SBNO2: variants seen among roughly 807,000 people sequenced by gnomAD.
The protein encoded by SBNO2 is strawberry notch homolog 2.
Under a neutral mutation model 146.3 loss-of-function variants are expected in SBNO2, and 89 were observed. The observed-to-expected ratio is 0.61, with a 90% CI of 0.51 to 0.73. The LOEUF is 0.73. SBNO2 is among the 30% of genes least tolerant of loss of function. The pLI, the probability that SBNO2 is intolerant of heterozygous loss-of-function variation, is 0.00. For synonymous variants in SBNO2, 1,147 were observed against 892.6 expected, an observed-to-expected ratio of 1.29 and a Z score of -5.08; for missense variants, 2,092 against 2,003.7, an observed-to-expected ratio of 1.04 and a Z score of -0.84.
rs752823807 is a variant in SBNO2, at chr19:1,108,975, G to A, written c.3426-6C>T. 37 of 1,518,326 alleles carry A rather than the reference G, an allele frequency of 2.4e-5. No homozygotes were observed. The highest frequency in any genetic ancestry group is 4.1e-5 in the African/African-American group (3 of 72,354). 94.1% of individuals were successfully genotyped at this position (1,518,326 alleles called of 1,614,324 possible). A position where few individuals can be genotyped will look rare whatever the true frequency, so the allele number is the denominator to read the frequency against. ...CCAGCCGGCAGTGCCGGTTCCTGCGGACGAGACGGGTCGTCTCGGCTCAGG... is the reference window on the plus strand; with the variant it reads ...CCAGCCGGCAGTGCCGGTTCCTGCGAACGAGACGGGTCGTCTCGGCTCAGG... On this transcript the variant is annotated splice_region_variant and splice_polypyrimidine_tract_variant and intron_variant, in intron 30 of 31. Coordinates refer to ENST00000361757, the MANE Select transcript of SBNO2 (RefSeq NM_014963.3).
rs897328813 is a variant in SBNO2, at chr19:1,144,414, G to A, written c.279+2895C>T. Among the ~76,000 whole-genome samples, 3 of 152,214 alleles carry A rather than the reference G, an allele frequency of 2.0e-5. No homozygotes were observed. Among genetic ancestry groups the A allele is most frequent in the African/African-American group, 2.4e-5 (1 of 41,446 alleles). ...CTGTAGGCAGGGTGGGCAGGGAGCC[G>A]GGCGGGCGGTGCTCACAGAACCAGC... On this transcript the variant is annotated intron_variant, in intron 4 of 31. Coordinates refer to ENST00000361757, the MANE Select transcript of SBNO2 (RefSeq NM_014963.3). The surrounding 1 kb of genome is among the most constrained non-coding windows in gnomAD (Gnocchi z 4.1).
In SBNO2 at chr19:1,113,567, C is replaced by CGT. The variant is rs1568559054; in HGVS notation, c.2214_2215insAC (p.Asp739ThrfsTer13). On this transcript the variant is annotated frameshift_variant, in exon 19 of 32. Coordinates refer to ENST00000361757, the MANE Select transcript of SBNO2 (RefSeq NM_014963.3). LOFTEE classifies it high-confidence loss of function. The stretch of plus-strand genomic sequence containing the variant: ...ACCCGCTGGGGGCCGCCCAGCTGGT[C>CGT]GATGAGCTCGTCCAGGGTGTTGACT... The CGT allele has an allele frequency of 6.2e-7, 1 of 1,601,730 alleles. No homozygotes were observed.
intron 1 of SBNO2, among the ~76,000 whole-genome samples, chr19:1,167,156 C>T (rs1040788452): frequency 6.6e-6 from 1 of 152,270 alleles, no homozygotes; most frequent in Non-Finnish European, 1.5e-5. Context: ...GCTGGAGCTA[C>T]GCACCCTGTC....
intron 2 of SBNO2, among the ~76,000 whole-genome samples, chr19:1,152,209 A>G (rs1599870274): frequency 6.6e-6 from 1 of 152,158 alleles, no homozygotes; most frequent in Non-Finnish European, 1.5e-5. Context: ...GCCCTGTCGC[A>G]TTCCCCGACT....
chr19:1,119,836 C>T (rs2079878696), intron 12 of SBNO2, 70 bp downstream of exon 12: 2 of 1,221,238 alleles, frequency 1.6e-6, no homozygotes. Context: ...TGTGGGATAC[C>T]CCTTCGCGGG....
intron 4 of SBNO2, among the ~76,000 whole-genome samples, chr19:1,141,984 C>T (rs913040875): frequency 2.3e-4 from 35 of 151,914 alleles, no homozygotes; most frequent in African/African-American, 8.2e-4. Context: ...AGTGGCCCTA[C>T]TCGGAGTCTG....
chr19:1,112,411 G>T lies in SBNO2; in HGVS notation c.2506C>A (p.Gln836Lys). ...GCGGGGCCGGACTCACCGAACTGCT[G>T]GATGGCGCGGTCGGCGCTCCACGGC... ...ELPWSADRAI[Q>K]QFGRTHRSNQ... The change falls in exon 21 of 32, where the codon CAG (glutamine) becomes AAG (lysine). Residue 836 changes from glutamine (Q) to lysine (K), a missense_variant. By Grantham distance (53) the Gln-to-Lys change is moderately conservative (BLOSUM62 1). Transcript: ENST00000361757. The surrounding 1 kb of genome is among the most constrained non-coding windows in gnomAD (Gnocchi z 5.9). The T allele has an allele frequency of 6.2e-7, 1 of 1,603,468 alleles. No homozygotes were observed. Among genetic ancestry groups the T allele is most frequent in the Non-Finnish European group, 8.5e-7 (1 of 1,177,652 alleles).
rs1035205622 is a variant in SBNO2 at position 1,157,864 on chromosome 19, C to T, written c.-126-3462G>A. Among the ~76,000 whole-genome samples the T allele has an allele frequency of 3.6e-5, 5 of 137,438 alleles. 1 individual carries two copies. The highest frequency in any genetic ancestry group is 5.2e-5 in the African/African-American group (2 of 38,720). The allele number at this position is 137,438 out of a possible 152,430, so 90.2% of individuals were successfully genotyped here. A position where few individuals can be genotyped will look rare whatever the true frequency, so the allele number is the denominator to read the frequency against. ...GCCTCCCAGCTCTCTCTCTTGAGTC[C>T]GGGTAACTGCATCTGCCTCCCAGCT... is the stretch of plus-strand genomic sequence containing the variant. On this transcript the variant is annotated intron_variant, in intron 1 of 31. Transcript: ENST00000361757. This position sits in a 1 kb window ranked among gnomAD's most constrained non-coding sequence, Gnocchi z 6.8.
At chr19:1,168,525 G>A (rs914681491) in intron 1 of SBNO2, among the ~76,000 whole-genome samples, 1 of 152,198 alleles carries the variant, frequency 6.6e-6, no homozygotes, top group African/African-American at 2.4e-5. Flanking sequence ...ACACCCATGG[G>A]TTCCAGGCAC....
intron 4 of SBNO2, among the ~76,000 whole-genome samples, chr19:1,139,977 CAG>C (rs974607653): frequency 9.2e-5 from 14 of 151,606 alleles, no homozygotes; most frequent in African/African-American, 3.4e-4. Flanking sequence ...TAGAGAAAAA[CAG>C]AGACAGAAAA....
chr19:1,119,266 GGAGCA>G lies in SBNO2; in HGVS notation c.1374-107_1374-103del, dbSNP rs144019405. On this transcript the variant is annotated intron_variant, in intron 13 of 31. Coordinates refer to ENST00000361757, the MANE Select transcript of SBNO2 (RefSeq NM_014963.3). ...AGTCGCAGAGAGGGCGGGGTCGGCA[GGAGCA>G]GAGCCCTGGCGGCCACTGAGGCAGT... 9,075 of 1,394,026 alleles carry G rather than the reference GGAGCA, an allele frequency of 6.5e-3. 486 individuals are homozygous for G. In the African/African-American group the frequency reaches 0.12, roughly 18 times the overall value. The allele number at this position is 1,394,026 out of a possible 1,614,324, so 86.4% of individuals were successfully genotyped here.
intron 1 of SBNO2, among the ~76,000 whole-genome samples, chr19:1,160,296 C>CACCCACTG (rs2080331432): frequency 6.6e-6 from 1 of 152,218 alleles, no homozygotes; most frequent in South Asian, 2.1e-4. Flanking sequence ...GGCAGCCCCC[C>CACCCACTG]ACCCACTGGG....
At chr19:1,147,530 G>C in intron 3 of SBNO2, 110 bp from the exon 4 acceptor site, 1 of 604,530 alleles carries the variant, frequency 1.7e-6, no homozygotes, top group Non-Finnish European at 2.7e-6. Context: ...GGCCCCACTG[G>C]AGTGTGCCCA....
chr19:1,114,356 A>G lies in SBNO2; in HGVS notation c.1952T>C (p.Ile651Thr), dbSNP rs375689802. The G allele has an allele frequency of 1.3e-6, 2 of 1,557,148 alleles. No homozygotes were observed. The highest frequency in any genetic ancestry group is 8.7e-7 in the Non-Finnish European group (1 of 1,150,836). The change falls in exon 18 of 32, where the codon ATC becomes ACC. Residue 651 changes from isoleucine (I) to threonine (T), a missense_variant. By Grantham distance (89) the Ile-to-Thr change is moderately conservative. Coordinates refer to ENST00000361757, the MANE Select transcript of SBNO2 (RefSeq NM_014963.3). ...LACETAGVIR[I>T]SDDSSTESDP... ...CGACTCCGTGCTGCTGTCGTCACTG[A>G]TGCGGATGACGCCCGCTGTCTCGCA...
chr19:1,169,004 G>A (rs974476669), intron 1 of SBNO2: 22 of 152,280 alleles, frequency 1.4e-4, no homozygotes, highest in African/African-American at 5.1e-4. Context: ...CTGGAACCAA[G>A]GCCAAGGCCG....
In SBNO2 at chr19:1,114,207, T is replaced by TG. The variant is rs780691809; in HGVS notation, c.2077+23dup. Reference sequence around the variant, plus strand: ...ACTGGAATCCTGACCCACAGGTGGCTGGCCAGCCTGGGCAAGCCCTCACCC... The same window carrying TG: ...ACTGGAATCCTGACCCACAGGTGGCTGGGCCAGCCTGGGCAAGCCCTCACCC... On this transcript the variant is annotated intron_variant, in intron 18 of 31. Coordinates refer to ENST00000361757, the MANE Select transcript of SBNO2 (RefSeq NM_014963.3). 8 of 1,424,426 alleles carry TG rather than the reference T, an allele frequency of 5.6e-6. No individual in the cohort carries two copies. In the African/African-American group the frequency reaches 1.2e-4, roughly 21 times the overall value. 88.2% of individuals were successfully genotyped at this position (1,424,426 alleles called of 1,614,324 possible). A position where few individuals can be genotyped will look rare whatever the true frequency, so the allele number is the denominator to read the frequency against.
chr19:1,116,208 C>A, intron 16 of SBNO2, 105 bp from the exon 17 acceptor site: 1 of 1,012,926 alleles, frequency 9.9e-7, no homozygotes, highest in Admixed American at 2.3e-5. Context: ...GGGTCCCGGA[C>A]AGGACCGGGC....
intron 11 of SBNO2, among the ~76,000 whole-genome samples, chr19:1,120,558 C>T (rs770346939): frequency 6.6e-6 from 1 of 151,988 alleles, no homozygotes; most frequent in South Asian, 2.1e-4. Context: ...TTGGTAGAGA[C>T]GGGGTTGGCC....
At chr19:1,120,196 C>CG (rs2079883988) in intron 11 of SBNO2, 173 bp from the exon 12 acceptor site, 1 of 527,982 alleles carries the variant, frequency 1.9e-6, no homozygotes, top group South Asian at 2.0e-5. Context: ...GGGGGGCGGG[C>CG]GGGCAGGCGG....
Sources: allele counts gnomAD v4.1 joint callset (sites outside exome capture counted in the v4.1 genomes callset), GRCh38; gene constraint gnomAD v4.1.1; non-coding constraint Gnocchi (gnomAD v3.1); transcripts MANE v1.5; gene names NCBI Gene and HGNC (gene_info 2026-07-23, HGNC 2026-07-21).